PTK2B: variants seen among roughly 807,000 people sequenced by gnomAD.
The protein encoded by PTK2B is protein tyrosine kinase 2 beta.
Under a neutral mutation model 142.9 loss-of-function variants are expected in PTK2B, and 71 were observed. The observed-to-expected ratio is 0.50, with a 90% CI of 0.41 to 0.61. The LOEUF (loss-of-function observed/expected upper bound fraction) is 0.61. Ranked by LOEUF, PTK2B falls within the 20% of genes least tolerant of loss-of-function variation. The pLI is 0.00. For synonymous variants in PTK2B, 519 were observed against 503.4 expected, an observed-to-expected ratio of 1.03 and a Z score of -0.42; for missense variants, 1,105 against 1,320.4, an observed-to-expected ratio of 0.84 and a Z score of 2.53.
At chr8:27,441,528 A>G (rs1347633625) in intron 21 of PTK2B, among the ~76,000 whole-genome samples, 1 of 152,186 alleles carries the variant, frequency 6.6e-6, no homozygotes, top group African/African-American at 2.4e-5. Context: ...GTCCCTGAAA[A>G]CTGCCTGGTG....
chr8:27,327,470 A>G (rs1022354316), intron 1 of PTK2B, among the ~76,000 whole-genome samples: 1 of 152,100 alleles, frequency 6.6e-6, no homozygotes, highest in African/African-American at 2.4e-5. Flanking sequence ...ATACTCAAAC[A>G]TTATTCACTG....
intron 2 of PTK2B, among the ~76,000 whole-genome samples, chr8:27,406,883 G>T (rs1270189670): frequency 2.0e-5 from 3 of 152,180 alleles, no homozygotes; most frequent in South Asian, 2.1e-4. Context: ...TCTGAGGCAG[G>T]CACTGCATGT....
chr8:27,389,521 G>C (rs146838769), intron 1 of PTK2B, among the ~76,000 whole-genome samples: 26 of 152,318 alleles, frequency 1.7e-4, no homozygotes, highest in African/African-American at 5.8e-4. Context: ...CCAGGGTAAT[G>C]CATCCCTGTT....
chr8:27,337,509 AC>A (rs1185499315), intron 1 of PTK2B, among the ~76,000 whole-genome samples: 1 of 152,128 alleles, frequency 6.6e-6, no homozygotes, highest in Non-Finnish European at 1.5e-5. Context: ...AAGCAGTCAC[AC>A]CGTGTTCTCC....
intron 1 of PTK2B, among the ~76,000 whole-genome samples, chr8:27,348,378 C>T (rs1418120399): frequency 1.3e-5 from 2 of 152,160 alleles, no homozygotes; most frequent in Non-Finnish European, 2.9e-5. Flanking sequence ...CAAGACCCCT[C>T]GGTCAAAGTA....
chr8:27,413,817 T>C (rs1809214791), intron 2 of PTK2B, among the ~76,000 whole-genome samples: 1 of 152,228 alleles, frequency 6.6e-6, no homozygotes, highest in Non-Finnish European at 1.5e-5. Flanking sequence ...CCTGCCTGAA[T>C]CAACCAACAC....
Position 27,436,367 on chromosome 8 carries a change from C to T in PTK2B, c.1341+19C>T. The T allele has an allele frequency of 6.3e-7, 1 of 1,580,210 alleles. No individual in the cohort carries two copies. Among genetic ancestry groups the T allele is most frequent in the Non-Finnish European group, 8.7e-7 (1 of 1,149,340 alleles). On this transcript the variant is annotated intron_variant, in intron 15 of 30. Coordinates refer to ENST00000346049, the MANE Select transcript of PTK2B (RefSeq NM_173176.3). ...AAATCACGTGAGTTCTAGGATCTTC[C>T]CTTACACTCCTCTTCCACATGTCTG...
At position 27,459,009 on chromosome 8, in the gene PTK2B, TA is replaced by T; in HGVS notation, c.*501del. On this transcript the variant is annotated 3_prime_UTR_variant, in exon 31 of 31. Coordinates refer to ENST00000346049, the MANE Select transcript of PTK2B (RefSeq NM_173176.3). ...GGGCCTGGCATTCTTGTACAGTGTA[TA>T]TTGAAATTTATTTAATGTGAGTTTG... The T allele has an allele frequency of 3.7e-6, 1 of 269,876 alleles. No homozygotes were observed. The highest frequency in any genetic ancestry group is 7.2e-6 in the Non-Finnish European group (1 of 138,884). The allele number at this position is 269,876 out of a possible 1,614,324, so 16.7% of individuals were successfully genotyped here.
At chr8:27,328,537 C>T (rs138621573) in intron 1 of PTK2B, among the ~76,000 whole-genome samples, 2 of 152,314 alleles carry the variant, frequency 1.3e-5, no homozygotes, top group African/African-American at 4.8e-5. Flanking sequence ...CCCCATCCCC[C>T]TGTGATAAAC....
At chr8:27,353,285 G>A (rs1206509796) in intron 1 of PTK2B, among the ~76,000 whole-genome samples, 2 of 152,210 alleles carry the variant, frequency 1.3e-5, no homozygotes, top group Non-Finnish European at 2.9e-5. Context: ...AAGGGCAGTA[G>A]GGAGTGGATG....
At chr8:27,366,188 A>G (rs1361674447) in intron 1 of PTK2B, among the ~76,000 whole-genome samples, 1 of 152,232 alleles carries the variant, frequency 6.6e-6, no homozygotes, top group Non-Finnish European at 1.5e-5. Context: ...ACAAGTCACT[A>G]GAAAATCTCA....
At chr8:27,396,145 T>A (rs1808037333) in intron 1 of PTK2B, 2 of 152,268 alleles carry the variant, frequency 1.3e-5, no homozygotes, top group African/African-American at 4.8e-5. Flanking sequence ...CATGCCCAGC[T>A]CCTTCTCTCA....
In PTK2B at chr8:27,363,354, T is replaced by G. The variant is rs1368077534; in HGVS notation, c.-37-34194T>G. Among the ~76,000 whole-genome samples the G allele has an allele frequency of 2.0e-5, 3 of 152,074 alleles. No individual in the cohort carries two copies. The highest frequency in any genetic ancestry group is 2.0e-4 in the Admixed American group (3 of 15,262). On this transcript the variant is annotated intron_variant, in intron 1 of 30. Coordinates refer to ENST00000346049, the MANE Select transcript of PTK2B (RefSeq NM_173176.3). The surrounding 1 kb of genome is among the most constrained non-coding windows in gnomAD (Gnocchi z 4.3). Reference sequence around the variant, plus strand: ...GAAAGGTCAGGAGGTGGAAGTGAGATGGGTTTTGTTCTGTGCATCTCCATG... The same window carrying G: ...GAAAGGTCAGGAGGTGGAAGTGAGAGGGGTTTTGTTCTGTGCATCTCCATG...
At chr8:27,369,762 G>C (rs1348971885) in intron 1 of PTK2B, among the ~76,000 whole-genome samples, 1 of 142,718 alleles carries the variant, frequency 7.0e-6, no homozygotes, top group South Asian at 2.3e-4. Flanking sequence ...ATCACCTGAG[G>C]GCAGGAGTTT....
intron 1 of PTK2B, among the ~76,000 whole-genome samples, chr8:27,336,991 C>A (rs1048838070): frequency 6.6e-6 from 1 of 150,764 alleles, no homozygotes; most frequent in Admixed American, 6.6e-5. Context: ...CTCCCCCCGC[C>A]ACTGCCAGTT....
At chr8:27,434,156 A>G (rs1488517039) in intron 12 of PTK2B, 24 bp downstream of exon 12, 2 of 1,611,856 alleles carry the variant, frequency 1.2e-6, no homozygotes, top group East Asian at 4.5e-5. Flanking sequence ...GGTGCAGAGG[A>G]CAGGGCCCTG....
At chr8:27,404,705 T>C (rs935050127) in intron 2 of PTK2B, among the ~76,000 whole-genome samples, 2 of 152,204 alleles carry the variant, frequency 1.3e-5, no homozygotes, top group Non-Finnish European at 2.9e-5. Flanking sequence ...AGACTGCAGA[T>C]GTCAGAACCC....
intron 29 of PTK2B, 100 bp from the exon 30 acceptor site, chr8:27,454,431 G>T (rs188891696): frequency 9.0e-6 from 14 of 1,549,920 alleles, no homozygotes; most frequent in Non-Finnish European, 1.2e-5. Context: ...CAGGCCACTC[G>T]CGGGGGACAA....
intron 1 of PTK2B, among the ~76,000 whole-genome samples, chr8:27,328,942 C>CTTTTTTTTTTTTTT (rs147983841): frequency 1.4e-5 from 2 of 145,952 alleles, no homozygotes; most frequent in Non-Finnish European, 1.5e-5. Context: ...TGCGTGCAAC[C>CTTTTTTTTTTTTTT]TTTTTTTTTT....
Sources: allele counts gnomAD v4.1 joint callset (sites outside exome capture counted in the v4.1 genomes callset), GRCh38; gene constraint gnomAD v4.1.1; non-coding constraint Gnocchi (gnomAD v3.1); transcripts MANE v1.5; gene names NCBI Gene and HGNC (gene_info 2026-07-23, HGNC 2026-07-21).